HECW1: variants seen among roughly 807,000 people sequenced by gnomAD.
The protein encoded by HECW1 is HECT, C2 and WW domain containing E3 ubiquitin protein ligase 1.
A neutral mutation model predicts 182.3 loss-of-function variants in HECW1; 61 were observed. The observed-to-expected ratio is 0.33, with a 90% CI of 0.27 to 0.41. HECW1 has a LOEUF of 0.41. Among genes scored for constraint, HECW1 ranks in the 10% least tolerant of loss-of-function variants. The pLI is 1.00. For missense variants in HECW1, 1,739 were observed against 2,108.9 expected (o/e 0.82, Z 3.44); for synonymous variants, 859 against 832.6 (o/e 1.03, Z -0.55).
At chr7:43,504,289 G>A (rs927392897) in intron 21 of HECW1, among the ~76,000 whole-genome samples, 1 of 152,082 alleles carries the variant, frequency 6.6e-6, no homozygotes, top group African/African-American at 2.4e-5. Flanking sequence ...TCACATTCCT[G>A]ACCTTGTGAT....
intron 2 of HECW1, among the ~76,000 whole-genome samples, chr7:43,176,946 C>G (rs1792314482): frequency 6.6e-6 from 1 of 152,150 alleles, no homozygotes; most frequent in Non-Finnish European, 1.5e-5. Flanking sequence ...GGGCCTCTTC[C>G]TGAGATCCCT....
chr7:43,307,756 A>G (rs1807770314), intron 3 of HECW1, among the ~76,000 whole-genome samples: 1 of 151,612 alleles, frequency 6.6e-6, no homozygotes, highest in African/African-American at 2.4e-5. Flanking sequence ...TGTGTTCAAG[A>G]AGCAACTGTT....
At chr7:43,505,431 G>A (rs1424849198) in intron 21 of HECW1, among the ~76,000 whole-genome samples, 1 of 152,176 alleles carries the variant, frequency 6.6e-6, no homozygotes, top group African/African-American at 2.4e-5. Context: ...GCAGGAAGAT[G>A]AATGTTTTTA....
chr7:43,273,251 T>G (rs2152742386), intron 3 of HECW1, among the ~76,000 whole-genome samples: 1 of 152,140 alleles, frequency 6.6e-6, no homozygotes, highest in East Asian at 1.9e-4. Flanking sequence ...CAGGAACACG[T>G]GTACCCCAAA....
intron 2 of HECW1, among the ~76,000 whole-genome samples, chr7:43,184,992 G>T (rs1793249105): frequency 6.6e-6 from 1 of 152,050 alleles, no homozygotes; most frequent in Non-Finnish European, 1.5e-5. Flanking sequence ...TGAACCATTA[G>T]AACCACCCCC....
At chr7:43,534,043 G>T (rs762394511) in intron 24 of HECW1, among the ~76,000 whole-genome samples, 3 of 152,132 alleles carry the variant, frequency 2.0e-5, no homozygotes, top group African/African-American at 4.8e-5. Flanking sequence ...AAATCAAACT[G>T]CCAGAAATGC....
chr7:43,438,567 A>G (rs1002349365), intron 9 of HECW1: 1 of 152,880 alleles, frequency 6.5e-6, no homozygotes, highest in African/African-American at 2.4e-5. Context: ...TAACTACTGT[A>G]GAGTTTCTTA....
chr7:43,289,060 C>T, intron 3 of HECW1, among the ~76,000 whole-genome samples: 1 of 152,108 alleles, frequency 6.6e-6, no homozygotes, highest in Non-Finnish European at 1.5e-5. Context: ...TTCCCAATTC[C>T]CATCCAGTGA....
chr7:43,365,595 A>G (rs1419216357), intron 6 of HECW1, among the ~76,000 whole-genome samples: 2 of 152,206 alleles, frequency 1.3e-5, no homozygotes, highest in African/African-American at 2.4e-5. Context: ...ATTATGTTAC[A>G]CTGGATTATT....
intron 2 of HECW1, among the ~76,000 whole-genome samples, chr7:43,185,160 G>A (rs534840959): frequency 6.6e-6 from 1 of 152,098 alleles, no homozygotes; most frequent in African/African-American, 2.4e-5. Flanking sequence ...TGGTGGGGGG[G>A]AAGGGGCTGG....
chr7:43,341,342 A>G (rs1812975016), intron 5 of HECW1, among the ~76,000 whole-genome samples: 1 of 130,764 alleles, frequency 7.6e-6, no homozygotes, highest in Admixed American at 7.3e-5. Flanking sequence ...ATAAATAAAT[A>G]AATAAATAGT....
intron 2 of HECW1, among the ~76,000 whole-genome samples, chr7:43,207,451 T>C (rs778174839): frequency 4.6e-5 from 7 of 152,212 alleles, no homozygotes; most frequent in Non-Finnish European, 7.3e-5. Context: ...ATCTCAAACA[T>C]TCATCATTTC....
intron 24 of HECW1, among the ~76,000 whole-genome samples, chr7:43,516,776 A>C (rs1250170443): frequency 2.0e-5 from 3 of 152,222 alleles, no homozygotes; most frequent in Non-Finnish European, 4.4e-5. Flanking sequence ...ACACAAACCT[A>C]GATGGCAGAG....
At chr7:43,317,792 A>G (rs1295703406) in intron 4 of HECW1, among the ~76,000 whole-genome samples, 4 of 150,198 alleles carry the variant, frequency 2.7e-5, no homozygotes, top group Admixed American at 6.6e-5. Flanking sequence ...ACAGCAAAAT[A>G]TACTTTTTTC....
In HECW1 at chr7:43,278,179, G is replaced by A. The variant is rs149837646; in HGVS notation, c.28-33584G>A. ...GGTCTTCAACTGGGATGTCTTATAAGCATCTCAAACTTAAAATATTCCAGC... is the reference window on the plus strand; with the variant it reads ...GGTCTTCAACTGGGATGTCTTATAAACATCTCAAACTTAAAATATTCCAGC... On this transcript the variant is annotated intron_variant, in intron 3 of 29. Transcript: ENST00000395891. Among the ~76,000 whole-genome samples, 57 of 152,130 alleles carry A rather than the reference G, an allele frequency of 3.7e-4. No individual in the cohort carries two copies. The East Asian group carries it at 9.9e-3, about 26-fold the overall frequency.
Position 43,223,520 on chromosome 7 carries a change from G to A in HECW1, c.-31-20355G>A, listed in dbSNP as rs143041873. Among the ~76,000 whole-genome samples, 148 of 152,162 alleles carry A rather than the reference G, an allele frequency of 9.7e-4. 2 individuals carry two copies. The Middle Eastern group carries it at 0.014, about 14-fold the overall frequency. ...TGTAATGCCAGCTACTCGGGAGGCC[G>A]AGGCAGGAGAATCGCTTGAACCTGG... On this transcript the variant is annotated intron_variant, in intron 2 of 29. Transcript: ENST00000395891.
At chr7:43,511,724 C>A (rs539736626) in intron 24 of HECW1, 152 of 168,868 alleles carry the variant, frequency 9.0e-4, no homozygotes, top group Non-Finnish European at 1.5e-3. Context: ...TTGTTATTTT[C>A]TTGTGCCATG....
chr7:43,337,588 G>T (rs1812461518), intron 5 of HECW1, among the ~76,000 whole-genome samples: 1 of 152,196 alleles, frequency 6.6e-6, no homozygotes, highest in African/African-American at 2.4e-5. Context: ...AGGTGTTACA[G>T]GATGGTATGT....
chr7:43,295,392 A>AT (rs34091784), intron 3 of HECW1, among the ~76,000 whole-genome samples: 1 of 152,094 alleles, frequency 6.6e-6, no homozygotes, highest in African/African-American at 2.4e-5. Context: ...CCCAGCATGA[A>AT]TTTTCCCTGT....
Sources: allele counts gnomAD v4.1 joint callset (sites outside exome capture counted in the v4.1 genomes callset), GRCh38; gene constraint gnomAD v4.1.1; transcripts MANE v1.5; gene names NCBI Gene and HGNC (gene_info 2026-07-23, HGNC 2026-07-21).